Variants in ARHGAP15 observed in about 807,000 individuals in gnomAD.
ARHGAP15 encodes Rho GTPase activating protein 15.
In ARHGAP15, 51 loss-of-function variants were observed where a neutral mutation model predicts 63.7. The ratio of observed to expected loss-of-function variants is 0.80; its 90% CI spans 0.64 to 1.01. ARHGAP15 has a LOEUF of 1.01. Among genes scored for constraint, ARHGAP15 ranks in the 50% least tolerant of loss-of-function variants. ARHGAP15 has a pLI of 0.00. For synonymous variants in ARHGAP15, 191 were observed against 193.8 expected, an observed-to-expected ratio of 0.99 and a Z score of 0.12; for missense variants, 560 against 564.6, an observed-to-expected ratio of 0.99 and a Z score of 0.08.
intron 2 of ARHGAP15, among the ~76,000 whole-genome samples, chr2:143,183,031 A>G (rs1272841589): frequency 1.3e-5 from 2 of 152,220 alleles, no homozygotes; most frequent in Non-Finnish European, 2.9e-5. Context: ...TAAAGGAGAG[A>G]GGGAAGGGCT....
intron 8 of ARHGAP15, among the ~76,000 whole-genome samples, chr2:143,462,796 T>C (rs1159375512): frequency 6.6e-6 from 1 of 151,110 alleles, no homozygotes; most frequent in Non-Finnish European, 1.5e-5. Context: ...GATGGATGGA[T>C]GGATGGACAG....
intron 9 of ARHGAP15, among the ~76,000 whole-genome samples, chr2:143,505,239 C>T (rs1693256650): frequency 6.6e-6 from 1 of 152,188 alleles, no homozygotes; most frequent in Non-Finnish European, 1.5e-5. Context: ...GCAGATCCAA[C>T]TGAGATACTC....
chr2:143,282,949 T>G (rs1043565502), intron 6 of ARHGAP15, among the ~76,000 whole-genome samples: 1 of 152,154 alleles, frequency 6.6e-6, no homozygotes, highest in Non-Finnish European at 1.5e-5. Context: ...AAACAATCCT[T>G]GTTGGGAGTA....
In ARHGAP15 at chr2:143,768,027, A is replaced by T. The variant is rs756260622; in HGVS notation, c.1283A>T (p.Gln428Leu). Residue 428 changes from glutamine (Q) to leucine (L), a missense_variant, in exon 14 of 14, where the codon CAA (glutamine) becomes CTA (leucine). By Grantham distance (113) the Gln-to-Leu change is moderately radical. Transcript: ENST00000295095. ...AKASKNLMST[Q>L]SLGIVFGPTL... ...GCCTCCAAGAACCTCATGTCCACGC[A>T]AAGCTTGGGGATTGTATTTGGACCT... 2.5e-6 allele frequency: 4 copies of T among 1,613,650 alleles called. No homozygotes were observed. Among genetic ancestry groups the T allele is most frequent in the South Asian group, 2.2e-5 (2 of 91,060 alleles).
intron 6 of ARHGAP15, among the ~76,000 whole-genome samples, chr2:143,320,633 G>A (rs1405650386): frequency 4.6e-5 from 7 of 151,988 alleles, no homozygotes; most frequent in Non-Finnish European, 8.8e-5. Flanking sequence ...ATGCTGCTCC[G>A]GGAGAAAAGA....
chr2:143,131,425 G>A (rs1688911656), intron 1 of ARHGAP15, among the ~76,000 whole-genome samples: 1 of 152,176 alleles, frequency 6.6e-6, no homozygotes, highest in Non-Finnish European at 1.5e-5. Flanking sequence ...CTCAAAGAAT[G>A]TCGTGCTTTT....
chr2:143,143,426 TA>T (rs35190277), intron 1 of ARHGAP15, among the ~76,000 whole-genome samples: 43,439 of 151,936 alleles, frequency 0.29, 7,815 homozygotes, highest in Middle Eastern at 0.44. Flanking sequence ...TCAGTTTAAG[TA>T]ATGTGAACTG....
intron 6 of ARHGAP15, among the ~76,000 whole-genome samples, chr2:143,296,887 A>G (rs1187101519): frequency 6.6e-6 from 1 of 151,884 alleles, no homozygotes; most frequent in East Asian, 1.9e-4. Flanking sequence ...CTTATCATTT[A>G]GCTCCCACTT....
At chr2:143,725,881 C>T (rs1574896148) in intron 13 of ARHGAP15, among the ~76,000 whole-genome samples, 1 of 152,184 alleles carries the variant, frequency 6.6e-6, no homozygotes, top group East Asian at 1.9e-4. Flanking sequence ...CTATAAAAAA[C>T]ACAAACAATG....
intron 8 of ARHGAP15, among the ~76,000 whole-genome samples, chr2:143,475,502 C>T (rs1691770475): frequency 6.6e-6 from 1 of 152,244 alleles, no homozygotes; most frequent in South Asian, 2.1e-4. Context: ...GACTCACTGA[C>T]TCTGGCCTGA....
Position 143,557,955 on chromosome 2 carries a change from C to A in ARHGAP15, c.1003+1470C>A, listed in dbSNP as rs968817631. ...TCCTTGGCATCTTAACCTCCCTGTG[C>A]CTCTGTTTCCTATCAGGAAAAACAG... On this transcript the variant is annotated intron_variant, in intron 11 of 13. Coordinates refer to ENST00000295095, the MANE Select transcript of ARHGAP15 (RefSeq NM_018460.4). Among the ~76,000 whole-genome samples the A allele has an allele frequency of 2.0e-5, 3 of 152,050 alleles. No individual in the cohort carries two copies. In the East Asian group the frequency reaches 5.8e-4, roughly 29 times the overall value.
intron 2 of ARHGAP15, among the ~76,000 whole-genome samples, chr2:143,189,244 T>A (rs1158005892): frequency 6.6e-6 from 1 of 152,156 alleles, no homozygotes; most frequent in Non-Finnish European, 1.5e-5. Context: ...CTCTTCCACA[T>A]ACACTATTTT....
chr2:143,699,472 A>G (rs1438915495), intron 12 of ARHGAP15, among the ~76,000 whole-genome samples: 1 of 152,194 alleles, frequency 6.6e-6, no homozygotes, highest in East Asian at 1.9e-4. Flanking sequence ...AGAGAGAAAA[A>G]TATTTCTATA....
chr2:143,250,738 C>T (rs1379795048), intron 6 of ARHGAP15, 138 bp downstream of exon 6: 1 of 649,708 alleles, frequency 1.5e-6, no homozygotes, highest in Non-Finnish European at 2.6e-6. Context: ...AAGGCGACTC[C>T]TCTTCCCAGT....
intron 3 of ARHGAP15, among the ~76,000 whole-genome samples, chr2:143,202,772 G>T (rs1209359804): frequency 6.7e-6 from 1 of 148,444 alleles, no homozygotes; most frequent in African/African-American, 2.5e-5. Flanking sequence ...AGTTTTTTTT[G>T]TTATTGTTGT....
chr2:143,130,874 A>C (rs1319648372), intron 1 of ARHGAP15, among the ~76,000 whole-genome samples: 2 of 152,156 alleles, frequency 1.3e-5, no homozygotes, highest in African/African-American at 2.4e-5. Context: ...CGTGGTTCTG[A>C]ACCTCTGCAT....
chr2:143,446,987 A>G (rs1387771196), intron 8 of ARHGAP15, among the ~76,000 whole-genome samples: 1 of 152,060 alleles, frequency 6.6e-6, no homozygotes, highest in Non-Finnish European at 1.5e-5. Flanking sequence ...ATAGTATTCC[A>G]TGGTGTATAT....
At chr2:143,334,358 G>C (rs1056245300) in intron 6 of ARHGAP15, among the ~76,000 whole-genome samples, 9 of 152,052 alleles carry the variant, frequency 5.9e-5, no homozygotes, top group Non-Finnish European at 1.2e-4. Context: ...GAATAGCTAT[G>C]ATATACCTTA....
chr2:143,496,055 T>A (rs1419773121), intron 9 of ARHGAP15, among the ~76,000 whole-genome samples: 2 of 152,194 alleles, frequency 1.3e-5, no homozygotes, highest in Non-Finnish European at 2.9e-5. Flanking sequence ...CGCTGTGTCA[T>A]GATTTAATAT....
Sources: gnomAD v4.1 joint callset for allele counts (sites outside exome capture counted in the v4.1 genomes callset) on GRCh38, gnomAD v4.1.1 for gene constraint, MANE v1.5 for transcripts, NCBI Gene and HGNC (gene_info 2026-07-23, HGNC 2026-07-21) for gene names.